The following SPTAN1 variants were observed in gnomAD, a reference collection of about 807,000 sequenced individuals.
SPTAN1 encodes spectrin alpha chain, non-erythrocytic 1.
A neutral mutation model predicts 331.3 loss-of-function variants in SPTAN1; 61 were observed. The ratio of observed to expected loss-of-function variants is 0.18; its 90% CI spans 0.15 to 0.23. The LOEUF (loss-of-function observed/expected upper bound fraction) is 0.23. Ranked by LOEUF, SPTAN1 falls within the 10% of genes least tolerant of loss-of-function variation. SPTAN1 has a pLI of 1.00. For missense variants in SPTAN1, 2,043 were observed against 3,147.9 expected (o/e 0.65, Z 8.40); for synonymous variants, 1,153 against 1,173.9 (o/e 0.98, Z 0.36).
rs534497861 is a variant in SPTAN1, at chr9:128,611,696, T to A, written c.4774-18T>A. On this transcript the variant is annotated intron_variant, in intron 37 of 56. Coordinates refer to ENST00000372739, the MANE Select transcript of SPTAN1 (RefSeq NM_001130438.3). ...CTAGCAGGAACTGGTTTGGAAAAAA[T>A]TTTTTTGGTATTTTTAGAGCAAGCA... 2.5e-5 allele frequency: 41 copies of A among 1,612,902 alleles called. No homozygotes were observed. Among genetic ancestry groups the A allele is most frequent in the African/African-American group, 2.5e-4 (19 of 74,962 alleles).
rs1853917635 is a variant in SPTAN1 at position 128,594,209 on chromosome 9, A to G, written c.3250A>G (p.Lys1084Glu). Reference protein sequence around the residue: ...HSLLELGEKRKGMLEKSCKKF... With the variant: ...HSLLELGEKREGMLEKSCKKF... ...TCTGCTGGAACTGGGTGAGAAGCGT[A>G]AAGGCATGTTGGAGAAGAGTTGCAA... The change falls in exon 24 of 57, where the codon AAA (lysine) becomes GAA (glutamate). Residue 1084 changes from lysine (K) to glutamate (E), a missense_variant. This residue lies in a region of SPTAN1 where 1,038 missense variants were observed against 1,531.5 expected (regional missense o/e 0.68). Transcript: ENST00000372739. 1.9e-6 allele frequency: 3 copies of G among 1,614,172 alleles called. No homozygotes were observed. The highest frequency in any genetic ancestry group is 1.6e-4 in the Middle Eastern group (1 of 6,062).
Position 128,575,189 on chromosome 9 carries a change from C to T in SPTAN1, c.505-10C>T. 1.9e-6 allele frequency: 3 copies of T among 1,614,090 alleles called. No individual in the cohort carries two copies. The highest frequency in any genetic ancestry group is 2.5e-6 in the Non-Finnish European group (3 of 1,180,022). ...TTGGTGACTCTGGCTCTCTTATGGT[C>T]CCTGAATAGGAAGCAATTGTTACTT... On this transcript the variant is annotated splice_polypyrimidine_tract_variant and intron_variant, in intron 4 of 56. Transcript: ENST00000372739.
chr9:128,559,641 T>G (rs1167004550), intron 1 of SPTAN1, among the ~76,000 whole-genome samples: 1 of 152,196 alleles, frequency 6.6e-6, no homozygotes, highest in Non-Finnish European at 1.5e-5. Flanking sequence ...TTTTTCCATC[T>G]TAACTGTTTC....
chr9:128,600,091 T>G lies in SPTAN1; in HGVS notation c.3555T>G (p.Asp1185Glu). The change falls in exon 27 of 57, where the codon GAT becomes GAG. Residue 1185 changes from aspartate to glutamate, a missense_variant. Physicochemically the swap from Asp to Glu is conservative, Grantham distance 45. This residue lies in a region of SPTAN1 where 1,038 missense variants were observed against 1,531.5 expected (regional missense o/e 0.68). Transcript: ENST00000372739. ...CTTTCTTTGAATAGGATGAAACTGA[T>G]TCCAAGACAGCCTCCCCGTGGAAGG... Reference protein sequence around the residue: ...VYGMMPRDETDSKTASPWKSA... With the variant: ...VYGMMPRDETESKTASPWKSA... The G allele has an allele frequency of 6.2e-7, 1 of 1,614,234 alleles. No individual in the cohort carries two copies. The highest frequency in any genetic ancestry group is 1.1e-5 in the South Asian group (1 of 91,088).
Position 128,575,204 on chromosome 9 carries a change from A to G in SPTAN1, c.510A>G (p.Ala170=), listed in dbSNP as rs1404143666. 6.2e-7 allele frequency: 1 copy of G among 1,614,044 alleles called. No homozygotes were observed. Among genetic ancestry groups the G allele is most frequent in the African/African-American group, 1.3e-5 (1 of 74,932 alleles). Residue 170 remains alanine, a synonymous_variant, in exon 5 of 57, where the codon GCA becomes GCG. Transcript: ENST00000372739. ...CTCTTATGGTCCCTGAATAGGAAGC[A>G]ATTGTTACTTCTGAAGAGCTGGGCC... ...DVMDWINDKE[A]IVTSEELGQD... is the part of the protein sequence containing the mutation.
intron 1 of SPTAN1, among the ~76,000 whole-genome samples, chr9:128,562,990 GTGTATATATATATATA>G (rs1849576498): frequency 5.6e-4 from 1 of 1,792 alleles, no homozygotes; most frequent in African/African-American, 7.7e-4. Context: ...ATACATGTAT[GTGTATATATATATATA>G]TATATATATA....
At chr9:128,626,106 G>T in intron 48 of SPTAN1, 128 bp downstream of exon 48, 2 of 1,193,102 alleles carry the variant, frequency 1.7e-6, no homozygotes, top group Non-Finnish European at 1.2e-6. Context: ...TTCAAACATG[G>T]GTGTGGCTGG....
intron 46 of SPTAN1, 134 bp from the exon 47 acceptor site, chr9:128,624,969 G>T: frequency 1.2e-6 from 1 of 844,526 alleles, no homozygotes; most frequent in East Asian, 2.5e-5. Context: ...TGCTAATGTG[G>T]GTTCTGAGGC....
intron 45 of SPTAN1, chr9:128,621,687 T>A (rs986777477): frequency 3.6e-5 from 10 of 279,084 alleles, no homozygotes; most frequent in Non-Finnish European, 6.3e-5. Context: ...ACCAGCTAGA[T>A]CAAACAGCCG....
At chr9:128,622,928 T>G (rs1421807572) in intron 45 of SPTAN1, among the ~76,000 whole-genome samples, 3 of 151,696 alleles carry the variant, frequency 2.0e-5, no homozygotes, top group African/African-American at 7.3e-5. Flanking sequence ...AATTTTTGTA[T>G]TTTTATTAGA....
intron 27 of SPTAN1, among the ~76,000 whole-genome samples, chr9:128,603,061 G>T (rs781678941): frequency 1.3e-5 from 2 of 152,110 alleles, no homozygotes; most frequent in Non-Finnish European, 2.9e-5. Flanking sequence ...TGGTAAAGCC[G>T]TTGCCCTTCA....
chr9:128,561,486 A>G (rs1045196209), intron 1 of SPTAN1, among the ~76,000 whole-genome samples: 5 of 147,252 alleles, frequency 3.4e-5, no homozygotes, highest in African/African-American at 1.3e-4. Context: ...ATATGGTGAA[A>G]CCCCATCTCT....
intron 27 of SPTAN1, among the ~76,000 whole-genome samples, chr9:128,601,132 C>T (rs1347217698): frequency 2.6e-5 from 4 of 151,448 alleles, no homozygotes; most frequent in African/African-American, 9.7e-5. Flanking sequence ...TACAGGCATG[C>T]ACCACCATGC....
intron 10 of SPTAN1, among the ~76,000 whole-genome samples, chr9:128,580,059 C>T (rs1321579783): frequency 1.1e-4 from 16 of 151,780 alleles, no homozygotes. Context: ...TGTGGTGTGA[C>T]CCCAGCACTT....
In SPTAN1 at chr9:128,582,475, C is replaced by T. The variant is rs1182242920; in HGVS notation, c.1573-4C>T. 1 of 1,614,044 alleles carries T rather than the reference C, an allele frequency of 6.2e-7. No individual in the cohort carries two copies. The highest frequency in any genetic ancestry group is 2.2e-5 in the East Asian group (1 of 44,884). On this transcript the variant is annotated splice_region_variant and splice_polypyrimidine_tract_variant and intron_variant, in intron 12 of 56. Coordinates refer to ENST00000372739, the MANE Select transcript of SPTAN1 (RefSeq NM_001130438.3). The stretch of plus-strand genomic sequence containing the variant: ...CAATGAAGAACTCTTATCTTCCTTC[C>T]TAGGCATTAGATGAATTTGCAACCA...
rs1853038496 is a variant in SPTAN1, at chr9:128,588,822, C to G, written c.2885C>G (p.Pro962Arg). The change falls in exon 21 of 57, where the codon CCC becomes CGC. Residue 962 changes from proline to arginine, a missense_variant. This residue lies in a region of SPTAN1 where 1,038 missense variants were observed against 1,531.5 expected (regional missense o/e 0.68). Transcript: ENST00000372739. ...QAQSCRQQVA[P>R]TDDETGKELV... ...TTGGATTTTTAGCAACAAGTGGCCCCCACGGATGATGAGACTGGGAAGGAG... is the reference window on the plus strand; with the variant it reads ...TTGGATTTTTAGCAACAAGTGGCCCGCACGGATGATGAGACTGGGAAGGAG... 6.2e-7 allele frequency: 1 copy of G among 1,614,070 alleles called. No individual in the cohort carries two copies.
rs770948927 is a variant in SPTAN1, at chr9:128,633,193, A to ATCTC, written c.7309-14_7309-11dup. ...GCAGCTGGCTCAGGCACCAGGTGCC[A>ATCTC]TCTCTTACCCCACAGAACCTGACCC... On this transcript the variant is annotated splice_polypyrimidine_tract_variant and intron_variant, in intron 56 of 56. Coordinates refer to ENST00000372739, the MANE Select transcript of SPTAN1 (RefSeq NM_001130438.3). 4 of 1,613,782 alleles carry ATCTC rather than the reference A, an allele frequency of 2.5e-6. No individual in the cohort carries two copies. The highest frequency in any genetic ancestry group is 2.7e-5 in the African/African-American group (2 of 74,886).
intron 19 of SPTAN1, 151 bp downstream of exon 19, chr9:128,586,116 T>G (rs1262843938): frequency 2.4e-5 from 9 of 368,088 alleles, no homozygotes; most frequent in Admixed American, 9.5e-5. Context: ...CACTTGGTTT[T>G]TTTTTTTTTT....
At chr9:128,589,060 A>C (rs1564239985) in intron 21 of SPTAN1, 117 bp downstream of exon 21, 3 of 1,442,212 alleles carry the variant, frequency 2.1e-6, no homozygotes, top group Non-Finnish European at 1.9e-6. Context: ...ATTCAAAGAC[A>C]TGAGTTTCCT....
Sources: allele counts gnomAD v4.1 joint callset (sites outside exome capture counted in the v4.1 genomes callset), GRCh38; gene constraint gnomAD v4.1.1; regional missense constraint gnomAD v4.1.1; transcripts MANE v1.5; gene names NCBI Gene and HGNC (gene_info 2026-07-23, HGNC 2026-07-21).